The following MEF2D variants were observed in gnomAD, a reference collection of about 807,000 sequenced individuals.
MEF2D encodes myocyte enhancer factor 2D.
Under a neutral mutation model 59.3 loss-of-function variants are expected in MEF2D, and 10 were observed. The ratio of observed to expected loss-of-function variants is 0.17; its 90% CI spans 0.10 to 0.29. The LOEUF (loss-of-function observed/expected upper bound fraction) is 0.29, where lower values mean the gene tolerates loss of function less well. Among genes scored for constraint, MEF2D ranks in the 10% least tolerant of loss-of-function variants. The probability of loss-of-function intolerance (pLI) is 1.00; values close to 1 mark genes in which losing one functional copy is unlikely to be tolerated. For synonymous variants in MEF2D, 305 were observed against 295.0 expected, an observed-to-expected ratio of 1.03 and a Z score of -0.35; for missense variants, 508 against 699.4, an observed-to-expected ratio of 0.73 and a Z score of 3.09.
chr1:156,489,377 C>T (rs908783217), intron 1 of MEF2D, among the ~76,000 whole-genome samples: 8 of 151,952 alleles, frequency 5.3e-5, no homozygotes, highest in Admixed American at 4.6e-4. Context: ...AGGGAGGAGG[C>T]GTGGGTGAGG....
intron 3 of MEF2D, among the ~76,000 whole-genome samples, chr1:156,481,782 C>T (rs1011899492): frequency 3.3e-5 from 5 of 152,200 alleles, no homozygotes; most frequent in Admixed American, 6.5e-5. Flanking sequence ...CCAAGGTGCA[C>T]GCACCTCAGT....
chr1:156,477,926 C>T (rs1671726166), intron 6 of MEF2D, among the ~76,000 whole-genome samples: 1 of 152,266 alleles, frequency 6.6e-6, no homozygotes, highest in Admixed American at 6.5e-5. Flanking sequence ...CTACAATCCA[C>T]ACAGGCCTTT....
In MEF2D at chr1:156,467,973, G is replaced by A. The variant is rs775498051; in HGVS notation, c.1554+20C>T. 6.3e-7 allele frequency: 1 copy of A among 1,599,038 alleles called. No homozygotes were observed. The highest frequency in any genetic ancestry group is 8.5e-7 in the Non-Finnish European group (1 of 1,173,188). ...GGGTGTAGCAGACACTGGCAGACAG[G>A]AGAGGTGATGCTACAGTACCCAGGT... is the stretch of plus-strand genomic sequence containing the variant. On this transcript the variant is annotated intron_variant, in intron 11 of 11. Transcript: ENST00000348159.
At chr1:156,481,028 G>C (rs989227485) in intron 3 of MEF2D, 57 bp from the exon 4 acceptor site, 2 of 1,606,398 alleles carry the variant, frequency 1.2e-6, no homozygotes, top group African/African-American at 2.7e-5. Context: ...CGCCTCGCTG[G>C]AGTTCCTTCC....
chr1:156,469,358 A>T (rs1571215742), intron 9 of MEF2D, among the ~76,000 whole-genome samples: 1 of 152,218 alleles, frequency 6.6e-6, no homozygotes, highest in East Asian at 1.9e-4. Flanking sequence ...CCCACGTTCA[A>T]GCAAATCTCC....
chr1:156,489,050 G>C (rs1284050006), intron 1 of MEF2D, among the ~76,000 whole-genome samples: 1 of 152,240 alleles, frequency 6.6e-6, no homozygotes, highest in Non-Finnish European at 1.5e-5. Context: ...AAAGGGAGCA[G>C]ATGCCCAGAG....
At chr1:156,469,960 G>GTCTA (rs1282012007) in intron 9 of MEF2D, among the ~76,000 whole-genome samples, 1 of 152,222 alleles carries the variant, frequency 6.6e-6, no homozygotes, top group Non-Finnish European at 1.5e-5. Flanking sequence ...AGTAGAGAAG[G>GTCTA]TCTATGTCTT....
At chr1:156,497,309 T>C (rs1482672157) in intron 1 of MEF2D, among the ~76,000 whole-genome samples, 1 of 152,248 alleles carries the variant, frequency 6.6e-6, no homozygotes, top group African/African-American at 2.4e-5. Flanking sequence ...ATTACAGTGA[T>C]GCTGAGGTTG....
In MEF2D at chr1:156,471,946, G is replaced by A. The variant is rs4661043; in HGVS notation, c.1007-2926C>T. Among the ~76,000 whole-genome samples the A allele has an allele frequency of 8.5e-3, 1,289 of 152,308 alleles. 14 individuals carry two copies. Among genetic ancestry groups the A allele is most frequent in the South Asian group, 0.052 (253 of 4,826 alleles). ...CACTTCCCAGCAGGGCTCCAAGGGC[G>A]GCCCAGGGGCAGAAACTGCTTTCAT... On this transcript the variant is annotated intron_variant, in intron 9 of 11. Coordinates refer to ENST00000348159, the MANE Select transcript of MEF2D (RefSeq NM_005920.4).
At position 156,468,858 on chromosome 1, in the gene MEF2D, T is replaced by TGCG. The variant is rs1327175600; in HGVS notation, c.1168_1169insCGC (p.Pro389dup). 6.2e-7 allele frequency: 1 copy of TGCG among 1,608,120 alleles called. No homozygotes were observed. Among genetic ancestry groups the TGCG allele is most frequent in the Non-Finnish European group, 8.5e-7 (1 of 1,174,536 alleles). ...TTGCGGCTGCTGAGGCTGCTGTGGC[T>TGCG]GTGGCTGCTGTGGCTGCGGTGGCTG... On this transcript the variant is annotated inframe_insertion, in exon 10 of 12. Coordinates refer to ENST00000348159, the MANE Select transcript of MEF2D (RefSeq NM_005920.4). The surrounding 1 kb of genome is among the most constrained non-coding windows in gnomAD (Gnocchi z 4.3).
At chr1:156,477,431 G>A (rs1174743831) in intron 6 of MEF2D, among the ~76,000 whole-genome samples, 1 of 152,142 alleles carries the variant, frequency 6.6e-6, no homozygotes, top group Non-Finnish European at 1.5e-5. Context: ...CTAACTCCAA[G>A]CTACATGTGA....
At chr1:156,474,511 T>TA (rs1671437884) in intron 9 of MEF2D, among the ~76,000 whole-genome samples, 1 of 152,278 alleles carries the variant, frequency 6.6e-6, no homozygotes, top group African/African-American at 2.4e-5. Flanking sequence ...AAACAATACA[T>TA]AATTTGTTAG....
At chr1:156,476,908 T>A in intron 7 of MEF2D, 104 bp downstream of exon 7, 1 of 1,365,850 alleles carries the variant, frequency 7.3e-7, no homozygotes, top group Non-Finnish European at 1.0e-6. Context: ...TGGGAAGTCC[T>A]AACTGCTGGC....
At chr1:156,498,029 C>T (rs1198696692) in intron 1 of MEF2D, among the ~76,000 whole-genome samples, 1 of 148,678 alleles carries the variant, frequency 6.7e-6, no homozygotes, top group Non-Finnish European at 1.5e-5. Flanking sequence ...CTTACTACTG[C>T]TCCTTTAGCT....
intron 1 of MEF2D, among the ~76,000 whole-genome samples, chr1:156,496,991 G>A (rs868162825): frequency 3.9e-5 from 6 of 152,116 alleles, no homozygotes; most frequent in Admixed American, 6.5e-5. Context: ...CTTTCCTTTC[G>A]GGAGAGCCAC....
chr1:156,471,416 A>T (rs1671226878), intron 9 of MEF2D, among the ~76,000 whole-genome samples: 1 of 152,202 alleles, frequency 6.6e-6, no homozygotes, highest in South Asian at 2.1e-4. Flanking sequence ...GGTGTGAGCC[A>T]CCGCGCCCGG....
chr1:156,480,659 T>C (rs559347119), intron 4 of MEF2D, 175 bp downstream of exon 4: 47 of 1,555,896 alleles, frequency 3.0e-5, no homozygotes, highest in Non-Finnish European at 4.0e-5. Flanking sequence ...TCTATAACTC[T>C]GCATCATTTT....
chr1:156,492,802 G>A (rs1011399341), intron 1 of MEF2D, among the ~76,000 whole-genome samples: 2 of 152,220 alleles, frequency 1.3e-5, no homozygotes, highest in Non-Finnish European at 1.5e-5. Context: ...AGTGGCAGCT[G>A]GGGCCTTGGG....
In MEF2D at chr1:156,464,663, C is replaced by A. The variant is rs1670732343; in HGVS notation, c.*2982G>T. 1 of 152,126 alleles carries A rather than the reference C, an allele frequency of 6.6e-6. No homozygotes were observed. The highest frequency in any genetic ancestry group is 2.1e-4 in the South Asian group (1 of 4,822). The allele number at this position is 152,126 out of a possible 1,614,324, so 9.4% of individuals were successfully genotyped here. ...CCATTCATCTGGCCGCCCAGGAGCC[C>A]CTACCCCCAAGAGAAACCTTCGGAT... is the stretch of plus-strand genomic sequence containing the variant. On this transcript the variant is annotated 3_prime_UTR_variant, in exon 12 of 12. Transcript: ENST00000348159.
Sources: allele counts gnomAD v4.1 joint callset (sites outside exome capture counted in the v4.1 genomes callset), GRCh38; gene constraint gnomAD v4.1.1; non-coding constraint Gnocchi (gnomAD v3.1); transcripts MANE v1.5; gene names NCBI Gene and HGNC (gene_info 2026-07-23, HGNC 2026-07-21).